The following GNA14 variants were observed in gnomAD, a reference collection of about 807,000 sequenced individuals.
The protein encoded by GNA14 is G protein subunit alpha 14.
In GNA14, 50 loss-of-function variants were observed where a neutral mutation model predicts 42.0. That is an observed-to-expected ratio of 1.19 (90% confidence interval 0.95 to 1.51). The LOEUF (loss-of-function observed/expected upper bound fraction) is 1.51. Ranked by LOEUF, GNA14 falls within the 40% of genes most tolerant of loss-of-function variation. The probability of loss-of-function intolerance (pLI) is 0.00; values close to 1 mark genes in which losing one functional copy is unlikely to be tolerated. For missense variants in GNA14, 473 were observed against 446.2 expected, an observed-to-expected ratio of 1.06 and a Z score of -0.54; for synonymous variants, 173 against 163.1, an observed-to-expected ratio of 1.06 and a Z score of -0.46.
At position 77,593,351 on chromosome 9, in the gene GNA14, G is replaced by A. The variant is rs535680985; in HGVS notation, c.124+54319C>T. 7.3e-5 allele frequency among the ~76,000 whole-genome samples: 9 copies of A among 123,082 alleles called. No homozygotes were observed. In the East Asian group the frequency reaches 1.6e-3, roughly 21 times the overall value. 80.7% of individuals were successfully genotyped at this position (123,082 alleles called of 152,430 possible). ...TAACATTCCTTTTTTTTTTTGAAAC[G>A]GAGTCTCACTCTATTGTCCAGGCTG... On this transcript the variant is annotated intron_variant, in intron 1 of 6. Coordinates refer to ENST00000341700, the MANE Select transcript of GNA14 (RefSeq NM_004297.4).
At chr9:77,493,591 G>A (rs1023560465) in intron 2 of GNA14, among the ~76,000 whole-genome samples, 2 of 152,190 alleles carry the variant, frequency 1.3e-5, no homozygotes, top group Non-Finnish European at 2.9e-5. Flanking sequence ...TATTGAGTGA[G>A]TTATATTGAT....
At chr9:77,569,161 T>C (rs1330629116) in intron 1 of GNA14, among the ~76,000 whole-genome samples, 1 of 152,090 alleles carries the variant, frequency 6.6e-6, no homozygotes, top group Non-Finnish European at 1.5e-5. Flanking sequence ...GCCTTTTTTT[T>C]TTTTAAATGG....
At chr9:77,439,106 C>T (rs550916940) in intron 2 of GNA14, among the ~76,000 whole-genome samples, 1 of 152,036 alleles carries the variant, frequency 6.6e-6, no homozygotes, top group African/African-American at 2.4e-5. Context: ...ATTTTTGTCC[C>T]TCTGAATGAG....
intron 2 of GNA14, among the ~76,000 whole-genome samples, chr9:77,522,461 C>G (rs901309690): frequency 1.3e-5 from 2 of 152,206 alleles, no homozygotes; most frequent in Non-Finnish European, 2.9e-5. Context: ...CTGAACACAA[C>G]AGACACTGTC....
At chr9:77,480,591 T>C (rs1836532004) in intron 2 of GNA14, among the ~76,000 whole-genome samples, 1 of 152,234 alleles carries the variant, frequency 6.6e-6, no homozygotes. Flanking sequence ...TTCCCTCTTT[T>C]TCTATTGATG....
At chr9:77,481,599 A>G (rs1250544853) in intron 2 of GNA14, among the ~76,000 whole-genome samples, 2 of 152,096 alleles carry the variant, frequency 1.3e-5, no homozygotes, top group Non-Finnish European at 2.9e-5. Context: ...ATTCCTGGGT[A>G]TCCTTGTTAA....
chr9:77,430,538 A>AG (rs1835529480), intron 4 of GNA14, among the ~76,000 whole-genome samples: 1 of 152,134 alleles, frequency 6.6e-6, no homozygotes, highest in South Asian at 2.1e-4. Context: ...GACATGTTTG[A>AG]GGGGCTGGAC....
At chr9:77,623,233 A>G (rs1587851876) in intron 1 of GNA14, among the ~76,000 whole-genome samples, 9 of 115,476 alleles carry the variant, frequency 7.8e-5, no homozygotes, top group African/African-American at 4.0e-4. Context: ...AAAAAAAAAA[A>G]AAAAAAAAAA....
At chr9:77,607,583 C>A (rs1823660365) in intron 1 of GNA14, among the ~76,000 whole-genome samples, 1 of 152,196 alleles carries the variant, frequency 6.6e-6, no homozygotes, top group Admixed American at 6.5e-5. Context: ...AGGAAACCAA[C>A]TCTAAGAACT....
intron 2 of GNA14, among the ~76,000 whole-genome samples, chr9:77,456,917 G>T (rs7032444): frequency 0.75 from 114,308 of 152,170 alleles, 43,765 homozygotes; most frequent in African/African-American, 0.9. Context: ...CACAGCTGAC[G>T]AGTTTACGTA....
At chr9:77,637,608 A>G (rs537281478) in intron 1 of GNA14, among the ~76,000 whole-genome samples, 9 of 152,202 alleles carry the variant, frequency 5.9e-5, no homozygotes, top group East Asian at 3.9e-4. Flanking sequence ...TGTGATTCCA[A>G]TGACTCTGAA....
At chr9:77,500,223 G>A (rs1278894512) in intron 2 of GNA14, among the ~76,000 whole-genome samples, 1 of 152,024 alleles carries the variant, frequency 6.6e-6, no homozygotes, top group Non-Finnish European at 1.5e-5. Flanking sequence ...TGACCATAGT[G>A]ATCAGGCTGG....
chr9:77,476,701 A>C (rs1054023235), intron 2 of GNA14, among the ~76,000 whole-genome samples: 4 of 152,232 alleles, frequency 2.6e-5, no homozygotes, highest in Non-Finnish European at 4.4e-5. Context: ...ATGAATTGGA[A>C]CTATTGTGGA....
intron 1 of GNA14, among the ~76,000 whole-genome samples, chr9:77,645,620 A>C (rs1824339817): frequency 6.6e-6 from 1 of 152,208 alleles, no homozygotes; most frequent in South Asian, 2.1e-4. Context: ...AAGATAAAGA[A>C]GACCCTCGGG....
At chr9:77,618,581 A>AAT (rs1181899033) in intron 1 of GNA14, among the ~76,000 whole-genome samples, 272 of 42,594 alleles carry the variant, frequency 6.4e-3, no homozygotes, top group African/African-American at 0.014. Flanking sequence ...ATTACATTTG[A>AAT]ATATATATAT....
chr9:77,501,953 T>G (rs954499473), intron 2 of GNA14, among the ~76,000 whole-genome samples: 1 of 152,066 alleles, frequency 6.6e-6, no homozygotes, highest in African/African-American at 2.4e-5. Flanking sequence ...GTGATCCACC[T>G]GCCTCAGCCT....
chr9:77,502,432 G>T (rs1277279943), intron 2 of GNA14, among the ~76,000 whole-genome samples: 4 of 152,130 alleles, frequency 2.6e-5, no homozygotes, highest in African/African-American at 9.7e-5. Flanking sequence ...GGGGAAGTCG[G>T]GGAGGGGAGC....
At chr9:77,632,068 C>A (rs1463548787) in intron 1 of GNA14, among the ~76,000 whole-genome samples, 9 of 152,186 alleles carry the variant, frequency 5.9e-5, no homozygotes, top group Non-Finnish European at 1.2e-4. Flanking sequence ...AGCTGCAGAC[C>A]CAGGCACCCC....
chr9:77,574,893 A>G (rs896433362), intron 1 of GNA14, among the ~76,000 whole-genome samples: 19 of 152,318 alleles, frequency 1.2e-4, no homozygotes, highest in Admixed American at 7.8e-4. Flanking sequence ...TGGCTCTAAA[A>G]TAAGTGCAAG....
Sources: gnomAD v4.1 joint callset for allele counts (sites outside exome capture counted in the v4.1 genomes callset) on GRCh38, gnomAD v4.1.1 for gene constraint, MANE v1.5 for transcripts, NCBI Gene and HGNC (gene_info 2026-07-23, HGNC 2026-07-21) for gene names.